Variants in TENM2 observed in about 807,000 individuals in gnomAD.
TENM2 encodes the protein teneurin-2.
TENM2 carries 52 observed loss-of-function variants against 245.2 expected under a neutral mutation model. That is an observed-to-expected ratio of 0.21 (90% CI 0.17 to 0.27). The LOEUF (loss-of-function observed/expected upper bound fraction) is 0.27, where lower values mean the gene tolerates loss of function less well. Ranked by LOEUF, TENM2 falls within the 10% of genes least tolerant of loss-of-function variation. TENM2 has a pLI of 1.00. For missense variants in TENM2, 3,046 were observed against 3,666.8 expected, an observed-to-expected ratio of 0.83 and a Z score of 4.37; for synonymous variants, 1,363 against 1,438.9, an observed-to-expected ratio of 0.95 and a Z score of 1.19.
chr5:167,214,535 A>G, the TENM2 span, among the ~76,000 whole-genome samples: 61 of 152,290 alleles, frequency 4.0e-4, no homozygotes, highest in Non-Finnish European at 7.1e-4. Flanking sequence ...TTTTGTCTAT[A>G]CATCAATGTC....
At chr5:168,075,514 C>T (rs1192252276) in intron 7 of TENM2, among the ~76,000 whole-genome samples, 1 of 152,114 alleles carries the variant, frequency 6.6e-6, no homozygotes, top group Non-Finnish European at 1.5e-5. Flanking sequence ...CCAACAGATC[C>T]CCTGTGCCCC....
At chr5:167,331,925 T>C (rs528268794) in intron 1 of TENM2, among the ~76,000 whole-genome samples, 170 of 152,058 alleles carry the variant, frequency 1.1e-3, no homozygotes, top group African/African-American at 3.9e-3. Flanking sequence ...TTTACGAAAA[T>C]GCAGTAAAAA....
rs1295362952 is a variant in TENM2 at position 167,446,808 on chromosome 5, C to CAG, written c.502+71336_502+71337insGA. ...TTTGAAACACGCACACACACACACA[C>CAG]ACACACACACACACACACAGACATA... is the stretch of plus-strand genomic sequence containing the variant. On this transcript the variant is annotated intron_variant, in intron 2 of 28. Coordinates refer to ENST00000518659, the Ensembl canonical transcript of TENM2. 7.3e-5 allele frequency among the ~76,000 whole-genome samples: 11 copies of CAG among 151,556 alleles called. No homozygotes were observed. The East Asian group carries it at 1.9e-3, about 27-fold the overall frequency.
chr5:167,044,384 A>C, the TENM2 span, among the ~76,000 whole-genome samples: 1 of 152,158 alleles, frequency 6.6e-6, no homozygotes, highest in Admixed American at 6.5e-5. Flanking sequence ...TAAGAACACA[A>C]TGTGTTCAGT....
chr5:167,138,330 A>C, the TENM2 span, among the ~76,000 whole-genome samples: 27 of 152,230 alleles, frequency 1.8e-4, no homozygotes, highest in African/African-American at 5.5e-4. Flanking sequence ...ATGGACTCAG[A>C]GCAAACTTCT....
intron 1 of TENM2, among the ~76,000 whole-genome samples, chr5:167,316,322 AC>A (rs1389239994): frequency 6.6e-6 from 1 of 152,180 alleles, no homozygotes; most frequent in Non-Finnish European, 1.5e-5. Flanking sequence ...TGGATAAATT[AC>A]CCAAACTCTG....
At chr5:168,021,445 C>T (rs1396123882) in intron 5 of TENM2, among the ~76,000 whole-genome samples, 2 of 152,238 alleles carry the variant, frequency 1.3e-5, no homozygotes, top group East Asian at 1.9e-4. Flanking sequence ...CCCAGCTCCC[C>T]GAGGTTCCTC....
At chr5:167,698,772 C>T (rs1189571878) in intron 2 of TENM2, among the ~76,000 whole-genome samples, 2 of 150,898 alleles carry the variant, frequency 1.3e-5, no homozygotes, top group African/African-American at 4.9e-5. Context: ...CCAGCTCCTC[C>T]TCCCGGATTC....
the TENM2 span, among the ~76,000 whole-genome samples, chr5:167,115,823 G>T: frequency 0.019 from 2,851 of 152,194 alleles, 85 homozygotes; most frequent in African/African-American, 0.065. Context: ...AAATAAACTT[G>T]GTTTGGGCAG....
intron 1 of TENM2, among the ~76,000 whole-genome samples, chr5:167,348,291 T>C (rs1007767673): frequency 6.6e-6 from 1 of 152,206 alleles, no homozygotes; most frequent in African/African-American, 2.4e-5. Flanking sequence ...GAGTGTTTAA[T>C]TGAAATTTCT....
At chr5:167,839,739 T>G (rs1427213095) in intron 2 of TENM2, among the ~76,000 whole-genome samples, 4 of 152,228 alleles carry the variant, frequency 2.6e-5, no homozygotes, top group East Asian at 1.9e-4. Context: ...TACCAGTTTT[T>G]GCTTATTTGT....
At chr5:168,213,655 T>A (rs1328493040) in intron 20 of TENM2, among the ~76,000 whole-genome samples, 2 of 149,402 alleles carry the variant, frequency 1.3e-5, no homozygotes, top group Non-Finnish European at 3.0e-5. Context: ...TGAGACCCCA[T>A]CTCTACCAAA....
intron 2 of TENM2, among the ~76,000 whole-genome samples, chr5:167,800,258 T>C (rs1259077160): frequency 6.6e-6 from 1 of 151,998 alleles, no homozygotes; most frequent in Non-Finnish European, 1.5e-5. Context: ...AAGTCTTGAG[T>C]TGGGTTTTAT....
intron 5 of TENM2, among the ~76,000 whole-genome samples, chr5:167,993,979 G>T (rs913737950): frequency 2.0e-4 from 31 of 152,362 alleles, no homozygotes; most frequent in Admixed American, 5.2e-4. Flanking sequence ...GGGGCAGGGT[G>T]CCACGTGCAT....
chr5:167,484,280 C>G (rs1191826557), intron 2 of TENM2, among the ~76,000 whole-genome samples: 1 of 152,070 alleles, frequency 6.6e-6, no homozygotes, highest in African/African-American at 2.4e-5. Flanking sequence ...CTTATTACCT[C>G]AGAATATGGC....
the TENM2 span, among the ~76,000 whole-genome samples, chr5:166,988,309 A>T: frequency 6.6e-6 from 1 of 152,216 alleles, no homozygotes; most frequent in Non-Finnish European, 1.5e-5. Flanking sequence ...ATGGCTGGAA[A>T]AAAAAAGAAA....
chr5:167,048,553 T>C, the TENM2 span, among the ~76,000 whole-genome samples: 1 of 152,148 alleles, frequency 6.6e-6, no homozygotes, highest in Non-Finnish European at 1.5e-5. Context: ...AGAAATAAAT[T>C]CAGAATCTGA....
intron 2 of TENM2, among the ~76,000 whole-genome samples, chr5:167,409,007 T>C (rs1031262604): frequency 2.6e-5 from 4 of 151,364 alleles, no homozygotes; most frequent in Non-Finnish European, 4.4e-5. Flanking sequence ...TGTGCAATCA[T>C]TTTTTAGGGT....
rs140807448 is a variant in TENM2, at chr5:167,367,249, T to A, written c.227-7949T>A. Among the ~76,000 whole-genome samples the A allele has an allele frequency of 5.6e-4, 85 of 152,298 alleles. No individual in the cohort carries two copies. In the East Asian group the frequency reaches 0.016, roughly 29 times the overall value. ...TGGTTCTAGTTACAAATTGTAAATG[T>A]TTGGACACATCAGAAGATATTTATA... On this transcript the variant is annotated intron_variant, in intron 1 of 28. Coordinates refer to ENST00000518659, the Ensembl canonical transcript of TENM2.
Sources: gnomAD v4.1 joint callset for allele counts (sites outside exome capture counted in the v4.1 genomes callset) on GRCh38, gnomAD v4.1.1 for gene constraint, MANE v1.5 for transcripts, NCBI Gene and HGNC (gene_info 2026-07-23, HGNC 2026-07-21) for gene names.